FAM168A: variants seen among roughly 807,000 people sequenced by gnomAD.
FAM168A encodes protein FAM168A.
FAM168A carries 3 observed loss-of-function variants against 28.5 expected under a neutral mutation model. That is an observed-to-expected ratio of 0.11 (90% confidence interval 0.05 to 0.27). The LOEUF is 0.27. Among genes scored for constraint, FAM168A ranks in the 10% least tolerant of loss-of-function variants. FAM168A has a pLI of 1.00. For missense variants in FAM168A, 222 were observed against 311.5 expected (o/e 0.71, Z 2.16); for synonymous variants, 122 against 124.2 (o/e 0.98, Z 0.12).
At chr11:73,450,168 C>G (rs1007301409) in intron 2 of FAM168A, among the ~76,000 whole-genome samples, 1 of 152,204 alleles carries the variant, frequency 6.6e-6, no homozygotes, top group African/African-American at 2.4e-5. Context: ...GAGAAGGTGC[C>G]AGCAGCCCCT....
intron 1 of FAM168A, chr11:73,580,152 G>A (rs1944225982): frequency 5.5e-6 from 2 of 360,542 alleles, no homozygotes; most frequent in Admixed American, 7.6e-5. Flanking sequence ...ACAAAAACCA[G>A]AAGAAGAGGT....
At position 73,511,237 on chromosome 11, in the gene FAM168A, C is replaced by CT. The variant is rs536148197; in HGVS notation, c.-18-42746dup. The stretch of plus-strand genomic sequence containing the variant: ...TAAGCTCCAGTAGCACTGAATTTTT[C>CT]TTTTTTTTTCTTTTTTTTGAGATGG... On this transcript the variant is annotated intron_variant, in intron 1 of 7. Transcript: ENST00000356467. 6.5e-3 allele frequency among the ~76,000 whole-genome samples: 975 copies of CT among 150,054 alleles called. 8 individuals are homozygous for CT. Among genetic ancestry groups the CT allele is most frequent in the Non-Finnish European group, 8.1e-3 (549 of 67,376 alleles).
At chr11:73,475,269 T>C (rs897799666) in intron 1 of FAM168A, among the ~76,000 whole-genome samples, 1 of 152,180 alleles carries the variant, frequency 6.6e-6, no homozygotes, top group Non-Finnish European at 1.5e-5. Flanking sequence ...TTGAAAAATT[T>C]ACCATTTGAA....
chr11:73,407,606 C>A lies in FAM168A; in HGVS notation c.633G>T (p.Gly211=). Residue 211 remains glycine (G), a synonymous_variant, in exon 7 of 8, where the codon GGG becomes GGT. Coordinates refer to ENST00000356467, the MANE Select transcript of FAM168A (RefSeq NM_015159.3). The stretch of plus-strand genomic sequence containing the variant: ...ATGTTGGCATGGAGACAGGGTGTGC[C>A]CCAATCGCCGTGTGCTGGGGTGTAG... ...LLTTPQHTAI[G]AHPVSMPTYR... 1 of 1,610,708 alleles carries A rather than the reference C, an allele frequency of 6.2e-7. No individual in the cohort carries two copies. The highest frequency in any genetic ancestry group is 8.5e-7 in the Non-Finnish European group (1 of 1,178,778).
intron 2 of FAM168A, among the ~76,000 whole-genome samples, chr11:73,458,771 C>T (rs1198609615): frequency 6.6e-6 from 1 of 152,050 alleles, no homozygotes; most frequent in African/African-American, 2.4e-5. Context: ...CTACCACGCC[C>T]GGCTAATTTT....
At chr11:73,489,510 C>CTTT (rs56910886) in intron 1 of FAM168A, among the ~76,000 whole-genome samples, 7 of 139,906 alleles carry the variant, frequency 5.0e-5, no homozygotes, top group African/African-American at 1.1e-4. Context: ...CCATCCCCCA[C>CTTT]TTTTTTTTTT....
At chr11:73,453,101 C>G (rs1173930193) in intron 2 of FAM168A, among the ~76,000 whole-genome samples, 2 of 152,246 alleles carry the variant, frequency 1.3e-5, no homozygotes, top group Admixed American at 6.5e-5. Context: ...GGGCTATTCA[C>G]TCCTGCATCA....
chr11:73,460,380 A>C (rs1177031990), intron 2 of FAM168A, among the ~76,000 whole-genome samples: 3 of 149,016 alleles, frequency 2.0e-5, no homozygotes, highest in Non-Finnish European at 1.5e-5. Flanking sequence ...CCTTCCCTTT[A>C]TTTCTTTCTT....
chr11:73,581,733 T>G (rs1944247873), intron 1 of FAM168A, among the ~76,000 whole-genome samples: 1 of 152,180 alleles, frequency 6.6e-6, no homozygotes, highest in Admixed American at 6.5e-5. Flanking sequence ...TTTGTTTTTT[T>G]TTTGAGATGG....
chr11:73,504,034 C>T (rs923014156), intron 1 of FAM168A, among the ~76,000 whole-genome samples: 6 of 152,162 alleles, frequency 3.9e-5, no homozygotes, highest in Admixed American at 1.3e-4. Flanking sequence ...AATGTAAAAC[C>T]CAAAATAATA....
At chr11:73,522,936 C>A (rs1235859060) in intron 1 of FAM168A, among the ~76,000 whole-genome samples, 1 of 151,940 alleles carries the variant, frequency 6.6e-6, no homozygotes, top group Non-Finnish European at 1.5e-5. Flanking sequence ...TTGCTTGAAC[C>A]CAGGAGGTGG....
At chr11:73,511,394 G>A (rs932084495) in intron 1 of FAM168A, among the ~76,000 whole-genome samples, 1 of 151,812 alleles carries the variant, frequency 6.6e-6, no homozygotes, top group Non-Finnish European at 1.5e-5. Flanking sequence ...CGGCCACTAC[G>A]CCCGGCTAAT....
chr11:73,482,181 CTTTTTTTTTTT>C (rs55882143), intron 1 of FAM168A, among the ~76,000 whole-genome samples: 4 of 77,556 alleles, frequency 5.2e-5, no homozygotes, highest in Non-Finnish European at 7.1e-5. Context: ...ATCCAACAGC[CTTTTTTTTTTT>C]TTTTTTTTTT....
intron 1 of FAM168A, among the ~76,000 whole-genome samples, chr11:73,581,848 A>C (rs1378536070): frequency 6.6e-6 from 1 of 151,992 alleles, no homozygotes; most frequent in Admixed American, 6.6e-5. Flanking sequence ...CCTCCTGAGT[A>C]GCTGGGACTA....
intron 1 of FAM168A, among the ~76,000 whole-genome samples, chr11:73,571,956 A>T (rs1465079302): frequency 6.9e-6 from 1 of 145,694 alleles, no homozygotes; most frequent in Non-Finnish European, 1.5e-5. Flanking sequence ...CCCGTCTGGG[A>T]GGTGAGGAGC....
At chr11:73,468,601 T>C in intron 1 of FAM168A, 109 bp from the exon 2 acceptor site, 2 of 910,920 alleles carry the variant, frequency 2.2e-6, no homozygotes, top group East Asian at 2.6e-5. Flanking sequence ...CATCAGGGTG[T>C]AGTGGAAAGA....
At chr11:73,489,069 C>T (rs1204667417) in intron 1 of FAM168A, among the ~76,000 whole-genome samples, 1 of 151,868 alleles carries the variant, frequency 6.6e-6, no homozygotes, top group African/African-American at 2.4e-5. Context: ...TTAGTAGAGA[C>T]AAGCTTTCAC....
chr11:73,423,550 A>G (rs1866834201), intron 3 of FAM168A, among the ~76,000 whole-genome samples: 1 of 152,128 alleles, frequency 6.6e-6, no homozygotes, highest in Non-Finnish European at 1.5e-5. Flanking sequence ...GGAGCTTCAC[A>G]TCTCCATGTT....
chr11:73,534,591 C>T (rs1159475866), intron 1 of FAM168A, among the ~76,000 whole-genome samples: 3 of 151,742 alleles, frequency 2.0e-5, no homozygotes, highest in Non-Finnish European at 1.5e-5. Context: ...TTAGTAGAGA[C>T]GGGGTTTCGT....
Sources: allele counts gnomAD v4.1 joint callset (sites outside exome capture counted in the v4.1 genomes callset), GRCh38; gene constraint gnomAD v4.1.1; transcripts MANE v1.5; gene names NCBI Gene and HGNC (gene_info 2026-07-23, HGNC 2026-07-21).